L2HGDH: variants seen among roughly 807,000 people sequenced by gnomAD.
L2HGDH encodes the protein L-2-hydroxyglutarate dehydrogenase, mitochondrial.
L2HGDH carries 34 observed loss-of-function variants against 51.5 expected under a neutral mutation model. That is an observed-to-expected ratio of 0.66 (90% CI 0.50 to 0.88). The LOEUF (loss-of-function observed/expected upper bound fraction) is 0.88, where lower values mean the gene tolerates loss of function less well. Among genes scored for constraint, L2HGDH ranks in the 40% least tolerant of loss-of-function variants. The probability of loss-of-function intolerance (pLI) is 0.00; values close to 1 mark genes in which losing one functional copy is unlikely to be tolerated. For missense variants in L2HGDH, 558 were observed against 571.9 expected (o/e 0.98, Z 0.25); for synonymous variants, 198 against 197.9 (o/e 1.00, Z -0.01).
At chr14:50,306,120 G>A (rs577161721) in intron 1 of L2HGDH, among the ~76,000 whole-genome samples, 3 of 150,998 alleles carry the variant, frequency 2.0e-5, no homozygotes, top group South Asian at 2.1e-4. Context: ...GCATAATCTC[G>A]GCTCACTGCA....
At chr14:50,307,023 T>C (rs2030771184) in intron 1 of L2HGDH, among the ~76,000 whole-genome samples, 1 of 151,948 alleles carries the variant, frequency 6.6e-6, no homozygotes, top group Non-Finnish European at 1.5e-5. Flanking sequence ...ACCACGTTGG[T>C]CAGGCTGGTC....
At position 50,263,672 on chromosome 14, in the gene L2HGDH, AG is replaced by A. The variant is rs555388267; in HGVS notation, c.1196+1685del. Among the ~76,000 whole-genome samples the A allele has an allele frequency of 4.3e-4, 66 of 152,204 alleles. 1 individual carries two copies. The highest frequency in any genetic ancestry group is 1.4e-3 in the African/African-American group (59 of 41,574). The stretch of plus-strand genomic sequence containing the variant: ...ATTAGGCCTAACGAATGGCTTGCTC[AG>A]GAAAAAAGGTGAACACTAAAAACAT... On this transcript the variant is annotated intron_variant, in intron 9 of 9. Transcript: ENST00000267436.
At chr14:50,303,606 A>G (rs1212588045) in intron 1 of L2HGDH, among the ~76,000 whole-genome samples, 1 of 150,646 alleles carries the variant, frequency 6.6e-6, no homozygotes, top group Non-Finnish European at 1.5e-5. Context: ...GTAAAACCCC[A>G]TCTTTACTAA....
chr14:50,243,667 A>T lies in L2HGDH; in HGVS notation c.*3391T>A, dbSNP rs1435924154. 9.1e-4 allele frequency: 34 copies of T among 37,338 alleles called. No individual in the cohort carries two copies. In the African/African-American group the frequency reaches 0.01, roughly 11 times the overall value. 2.3% of individuals were successfully genotyped at this position (37,338 alleles called of 1,614,324 possible). ...ATTTTTATTTTTCAGGGTATTTTAT[A>T]TATATATATATATATATATTGTTTA... On this transcript the variant is annotated 3_prime_UTR_variant, in exon 10 of 10. Coordinates refer to ENST00000267436, the MANE Select transcript of L2HGDH (RefSeq NM_024884.3).
At chr14:50,281,349 T>C (rs920351023) in intron 5 of L2HGDH, among the ~76,000 whole-genome samples, 2 of 152,126 alleles carry the variant, frequency 1.3e-5, no homozygotes, top group African/African-American at 4.8e-5. Flanking sequence ...TCCCAGCACT[T>C]TGGGAGGCTG....
At position 50,244,877 on chromosome 14, in the gene L2HGDH, C is replaced by G. The variant is rs1476632250; in HGVS notation, c.*2181G>C. Reference sequence around the variant, plus strand: ...AAGACATACACAGTAGAAGATGAATCCTGAGAGAGCAAATCAGAGAGAATG... The same window carrying G: ...AAGACATACACAGTAGAAGATGAATGCTGAGAGAGCAAATCAGAGAGAATG... On this transcript the variant is annotated 3_prime_UTR_variant, in exon 10 of 10. Coordinates refer to ENST00000267436, the MANE Select transcript of L2HGDH (RefSeq NM_024884.3). 6.1e-6 allele frequency: 6 copies of G among 985,428 alleles called. No individual in the cohort carries two copies. In the East Asian group the frequency reaches 5.7e-4, roughly 93 times the overall value. The allele number at this position is 985,428 out of a possible 1,614,324, so 61.0% of individuals were successfully genotyped here.
chr14:50,311,905 C>T, intron 1 of L2HGDH, 106 bp downstream of exon 1: 1 of 1,464,932 alleles, frequency 6.8e-7, no homozygotes. Flanking sequence ...CCCCAACCTG[C>T]TCTCACCCCG....
At chr14:50,247,282 G>GACTCAAA in intron 9 of L2HGDH, 29 bp from the exon 10 acceptor site, 1 of 1,604,890 alleles carries the variant, frequency 6.2e-7, no homozygotes, top group Non-Finnish European at 8.5e-7. Context: ...GGAGTCAGCT[G>GACTCAAA]ACTCAAAGAC....
intron 5 of L2HGDH, among the ~76,000 whole-genome samples, chr14:50,279,750 C>T (rs1186521123): frequency 1.3e-5 from 2 of 151,790 alleles, no homozygotes; most frequent in African/African-American, 4.8e-5. Context: ...TGCTTCGATC[C>T]CTTTCATGGT....
intron 6 of L2HGDH, among the ~76,000 whole-genome samples, chr14:50,275,844 A>G (rs973020260): frequency 6.6e-6 from 1 of 152,208 alleles, no homozygotes; most frequent in Non-Finnish European, 1.5e-5. Flanking sequence ...CATCTACTAC[A>G]TGAAATTTTT....
At chr14:50,272,693 AT>A (rs752039367) in intron 6 of L2HGDH, among the ~76,000 whole-genome samples, 1 of 152,184 alleles carries the variant, frequency 6.6e-6, no homozygotes, top group Non-Finnish European at 1.5e-5. Context: ...AATTGGGTGT[AT>A]ATAGCAGCAT....
intron 9 of L2HGDH, among the ~76,000 whole-genome samples, chr14:50,252,522 C>T (rs1888423749): frequency 1.3e-5 from 2 of 151,656 alleles, no homozygotes; most frequent in Admixed American, 6.6e-5. Flanking sequence ...TGATCTGTTG[C>T]CTAAAAGAAA....
intron 9 of L2HGDH, among the ~76,000 whole-genome samples, chr14:50,259,461 C>T (rs1182761729): frequency 1.3e-5 from 2 of 150,050 alleles, no homozygotes; most frequent in Non-Finnish European, 3.0e-5. Flanking sequence ...CCACCCACCT[C>T]GGCCTCTCAA....
At chr14:50,264,381 A>G (rs2139967542) in intron 9 of L2HGDH, among the ~76,000 whole-genome samples, 1 of 152,226 alleles carries the variant, frequency 6.6e-6, no homozygotes, top group East Asian at 1.9e-4. Flanking sequence ...TCCATTTCAG[A>G]AAAAATATAA....
intron 1 of L2HGDH, 110 bp from the exon 2 acceptor site, chr14:50,303,127 G>T: frequency 1.3e-6 from 1 of 758,094 alleles, no homozygotes; most frequent in Non-Finnish European, 2.3e-6. Flanking sequence ...TTGTAATCAT[G>T]AAAACGTATT....
chr14:50,245,697 G>A lies in L2HGDH; in HGVS notation c.*1361C>T, dbSNP rs1444897890. 2.1e-5 allele frequency: 21 copies of A among 984,648 alleles called. No individual in the cohort carries two copies. Among genetic ancestry groups the A allele is most frequent in the Non-Finnish European group, 2.5e-5 (21 of 829,366 alleles). 61.0% of individuals were successfully genotyped at this position (984,648 alleles called of 1,614,324 possible). The stretch of plus-strand genomic sequence containing the variant: ...TTTTCTTGTCTATGAGAGACCAAAC[G>A]AGCTTAGGTAGCGTAATGCTAAAAA... On this transcript the variant is annotated 3_prime_UTR_variant, in exon 10 of 10. Coordinates refer to ENST00000267436, the MANE Select transcript of L2HGDH (RefSeq NM_024884.3).
At chr14:50,263,861 T>C (rs1017153138) in intron 9 of L2HGDH, among the ~76,000 whole-genome samples, 3 of 150,882 alleles carry the variant, frequency 2.0e-5, no homozygotes, top group African/African-American at 4.9e-5. Context: ...CTGCAACCTC[T>C]GCCTCCCAGG....
chr14:50,287,281 T>C (rs1286182268), intron 4 of L2HGDH: 1 of 984,032 alleles, frequency 1.0e-6, no homozygotes, highest in African/African-American at 1.7e-5. Context: ...TAATGCATAA[T>C]ATAAAAAATC....
chr14:50,261,094 G>GT (rs2139958155), intron 9 of L2HGDH, among the ~76,000 whole-genome samples: 1 of 151,774 alleles, frequency 6.6e-6, no homozygotes, highest in African/African-American at 2.4e-5. Flanking sequence ...TACAGCCCAG[G>GT]TAACACTGTG....
Sources: allele counts gnomAD v4.1 joint callset (sites outside exome capture counted in the v4.1 genomes callset), GRCh38; gene constraint gnomAD v4.1.1; transcripts MANE v1.5; gene names NCBI Gene and HGNC (gene_info 2026-07-23, HGNC 2026-07-21).